SLC4A3: variants seen among roughly 807,000 people sequenced by gnomAD.
The protein encoded by SLC4A3 is solute carrier family 4 member 3, also known as anion exchange protein 3.
SLC4A3 carries 47 observed loss-of-function variants against 114.2 expected under a neutral mutation model. That is an observed-to-expected ratio of 0.41 (90% CI 0.33 to 0.52). The LOEUF (loss-of-function observed/expected upper bound fraction) is 0.52, where lower values mean the gene tolerates loss of function less well. Among genes scored for constraint, SLC4A3 ranks in the 20% least tolerant of loss-of-function variants. The pLI, the probability that SLC4A3 is intolerant of heterozygous loss-of-function variation, is 0.21. For missense variants in SLC4A3, 1,312 were observed against 1,668.3 expected, an observed-to-expected ratio of 0.79 and a Z score of 3.72; for synonymous variants, 693 against 710.3, an observed-to-expected ratio of 0.98 and a Z score of 0.39.
rs1399406980 is a variant in SLC4A3, at chr2:219,630,755, C to T, written c.811+403C>T. On this transcript the variant is annotated intron_variant, in intron 6 of 22. Coordinates refer to ENST00000358055, the MANE Select transcript of SLC4A3 (RefSeq NM_005070.4). This position sits in a 1 kb window ranked among gnomAD's most constrained non-coding sequence, Gnocchi z 6.9. Reference sequence around the variant, plus strand: ...CCCTGCCTCTCCCTGTGTCAGGACCCTTCACTCCCATCCCACTACCCTTGG... The same window carrying T: ...CCCTGCCTCTCCCTGTGTCAGGACCTTTCACTCCCATCCCACTACCCTTGG... Among the ~76,000 whole-genome samples, 1 of 152,182 alleles carries T rather than the reference C, an allele frequency of 6.6e-6. No homozygotes were observed. Among genetic ancestry groups the T allele is most frequent in the African/African-American group, 2.4e-5 (1 of 41,446 alleles).
intron 11 of SLC4A3, 152 bp downstream of exon 11, chr2:219,634,131 C>A: frequency 1.0e-6 from 1 of 999,254 alleles, no homozygotes; most frequent in Non-Finnish European, 1.4e-6. Context: ...CCTGTCTTAG[C>A]CCAGCCCTTT....
Position 219,631,588 on chromosome 2 carries a change from A to C in SLC4A3, c.812-380A>C. 1.2e-6 allele frequency: 1 copy of C among 839,646 alleles called. No homozygotes were observed. Among genetic ancestry groups the C allele is most frequent in the Non-Finnish European group, 1.6e-6 (1 of 610,442 alleles). 52.0% of individuals were successfully genotyped at this position (839,646 alleles called of 1,614,324 possible). ...GGGGAGGGGACGTGGGTGTTGAGAT[A>C]GGGTGCACGGAAAATGTTGGGGGCT... On this transcript the variant is annotated intron_variant, in intron 6 of 22. Coordinates refer to ENST00000358055, the MANE Select transcript of SLC4A3 (RefSeq NM_005070.4). This position sits in a 1 kb window ranked among gnomAD's most constrained non-coding sequence, Gnocchi z 6.3.
Position 219,641,091 on chromosome 2 carries a change from T to G in SLC4A3, c.3621+129T>G. The G allele has an allele frequency of 1.2e-6, 1 of 849,162 alleles. No individual in the cohort carries two copies. Among genetic ancestry groups the G allele is most frequent in the African/African-American group, 1.7e-5 (1 of 59,246 alleles). 52.6% of individuals were successfully genotyped at this position (849,162 alleles called of 1,614,324 possible). On this transcript the variant is annotated intron_variant, in intron 22 of 22. Coordinates refer to ENST00000358055, the MANE Select transcript of SLC4A3 (RefSeq NM_005070.4). The surrounding 1 kb of genome is among the most constrained non-coding windows in gnomAD (Gnocchi z 4.0). ...AACTTGTGTTGCAAGTTATCTCACC[T>G]TCCGAAATCTTATTTTCACCTGTAT...
At chr2:219,629,885 G>A (rs57833265) in intron 5 of SLC4A3, among the ~76,000 whole-genome samples, 190 bp downstream of exon 5, 2 of 142,514 alleles carry the variant, frequency 1.4e-5, no homozygotes, top group African/African-American at 2.6e-5. Context: ...GAGAACAAGG[G>A]GGGGGGGAGA....
chr2:219,630,306 G>A lies in SLC4A3; in HGVS notation c.765G>A (p.Glu255=). The A allele has an allele frequency of 6.2e-7, 1 of 1,612,550 alleles. No individual in the cohort carries two copies. Among genetic ancestry groups the A allele is most frequent in the Non-Finnish European group, 8.5e-7 (1 of 1,179,518 alleles). The change falls in exon 6 of 23, where the codon GAG becomes GAA. Residue 255 remains glutamate, a synonymous_variant. Coordinates refer to ENST00000358055, the MANE Select transcript of SLC4A3 (RefSeq NM_005070.4). The surrounding 1 kb of genome is among the most constrained non-coding windows in gnomAD (Gnocchi z 6.9). ...CAGAGCAGCAGGTGCCCACAGATGA[G>A]GCGGAGGCCCAGATGCTGGGTTCTG... ...GGPEQQVPTD[E]AEAQMLGSAD...
chr2:219,638,875 A>C lies in SLC4A3; in HGVS notation c.3023+6A>C, dbSNP rs1699221393. The C allele has an allele frequency of 6.2e-7, 1 of 1,612,718 alleles. No homozygotes were observed. The highest frequency in any genetic ancestry group is 2.2e-5 in the East Asian group (1 of 44,854). On this transcript the variant is annotated splice_donor_region_variant and intron_variant, in intron 19 of 22. Coordinates refer to ENST00000358055, the MANE Select transcript of SLC4A3 (RefSeq NM_005070.4). This position sits in a 1 kb window ranked among gnomAD's most constrained non-coding sequence, Gnocchi z 7.5. ...ATGGAGACACAGATCACGGCGTGAGAGAGATGGGAGGAGGAGGTGGGAGGG... is the reference window on the plus strand; with the variant it reads ...ATGGAGACACAGATCACGGCGTGAGCGAGATGGGAGGAGGAGGTGGGAGGG...
chr2:219,631,837 G>A lies in SLC4A3; in HGVS notation c.812-131G>A. ...ATGAAATGGCCACATGGGATTATGT[G>A]GTTCCCGTCGGCATGGCCTGTTGGT... is the stretch of plus-strand genomic sequence containing the variant. On this transcript the variant is annotated intron_variant, in intron 6 of 22. Coordinates refer to ENST00000358055, the MANE Select transcript of SLC4A3 (RefSeq NM_005070.4). The surrounding 1 kb of genome is among the most constrained non-coding windows in gnomAD (Gnocchi z 6.3). 1 of 989,234 alleles carries A rather than the reference G, an allele frequency of 1.0e-6. No individual in the cohort carries two copies. The highest frequency in any genetic ancestry group is 1.5e-6 in the Non-Finnish European group (1 of 662,488). 61.3% of individuals were successfully genotyped at this position (989,234 alleles called of 1,614,324 possible).
chr2:219,627,846 C>T, intron 1 of SLC4A3, 54 bp from the exon 2 acceptor site: 1 of 623,020 alleles, frequency 1.6e-6, no homozygotes, highest in Non-Finnish European at 2.7e-6. Flanking sequence ...GTGCATCCGG[C>T]TCCCGGGTGG....
intron 10 of SLC4A3, 103 bp downstream of exon 10, chr2:219,633,560 C>T: frequency 9.1e-7 from 1 of 1,100,526 alleles, no homozygotes. Flanking sequence ...GGTTGGATTG[C>T]TGGCATCATG....
chr2:219,639,945 T>C lies in SLC4A3; in HGVS notation c.3277+210T>C, dbSNP rs1699260582. 6.6e-6 allele frequency among the ~76,000 whole-genome samples: 1 copy of C among 152,178 alleles called. No homozygotes were observed. Among genetic ancestry groups the C allele is most frequent in the African/African-American group, 2.4e-5 (1 of 41,438 alleles). On this transcript the variant is annotated intron_variant, in intron 20 of 22. Transcript: ENST00000358055. This position sits in a 1 kb window ranked among gnomAD's most constrained non-coding sequence, Gnocchi z 5.9. ...CTGCCCCCTCTTCTCTCTCTTTTTTTTTGAGACGGAGTCTCGCTCTGTCAC... is the reference window on the plus strand; with the variant it reads ...CTGCCCCCTCTTCTCTCTCTTTTTTCTTGAGACGGAGTCTCGCTCTGTCAC...
chr2:219,633,263 GC>G lies in SLC4A3; in HGVS notation c.1278-7del, dbSNP rs1174864955. 2 of 1,547,364 alleles carry G rather than the reference GC, an allele frequency of 1.3e-6. No individual in the cohort carries two copies. The highest frequency in any genetic ancestry group is 2.7e-5 in the African/African-American group (2 of 73,388). ...CTCTCCTCCTCACCTGCCTCACCCT[GC>G]CCCTTCCAGCCATCCCAACGATGAC... is the stretch of plus-strand genomic sequence containing the variant. On this transcript the variant is annotated splice_polypyrimidine_tract_variant and intron_variant, in intron 9 of 22. Transcript: ENST00000358055.
rs1254169425 is a variant in SLC4A3 at position 219,630,562 on chromosome 2, CT to C, written c.811+211del. 6.6e-6 allele frequency among the ~76,000 whole-genome samples: 1 copy of C among 152,142 alleles called. No individual in the cohort carries two copies. On this transcript the variant is annotated intron_variant, in intron 6 of 22. Transcript: ENST00000358055. This position sits in a 1 kb window ranked among gnomAD's most constrained non-coding sequence, Gnocchi z 6.9. ...GAGCTGAGATTTCCTTTCCTGACAC[CT>C]CACGCCTCAGTCCTGATTCTGTCCT...
rs761225095 is a variant in SLC4A3, at chr2:219,629,222, C to T, written c.296C>T (p.Pro99Leu). ...LPPPHKLRRL[P>L]PTSARHTRRK... ...CCACCCCACAAGCTGCGGCGGCTGC[C>T]CCCCACCTCTGCCCGGCACACCAGG... Residue 99 changes from proline (P) to leucine (L), a missense_variant, in exon 4 of 23, where the codon CCC becomes CTC. By Grantham distance (98) the Pro-to-Leu change is moderately conservative. Coordinates refer to ENST00000358055, the MANE Select transcript of SLC4A3 (RefSeq NM_005070.4). 1.2e-6 allele frequency: 2 copies of T among 1,613,412 alleles called. No individual in the cohort carries two copies. Among genetic ancestry groups the T allele is most frequent in the Admixed American group, 1.7e-5 (1 of 60,002 alleles).
chr2:219,630,229 G>A lies in SLC4A3; in HGVS notation c.688G>A (p.Asp230Asn), dbSNP rs1698872645. ...SRPWSPSASY[D>N]LRERLCPGSA... is the part of the protein sequence containing the mutation. Reference sequence around the variant, plus strand: ...GCCCTGGAGCCCATCGGCCAGTTATGACCTGCGGGAGCGACTGTGCCCAGG... The same window carrying A: ...GCCCTGGAGCCCATCGGCCAGTTATAACCTGCGGGAGCGACTGTGCCCAGG... Residue 230 changes from aspartate (D) to asparagine (N), a missense_variant, in exon 6 of 23, where the codon GAC becomes AAC. Physicochemically the swap from Asp to Asn is conservative, Grantham distance 23. Transcript: ENST00000358055. This position sits in a 1 kb window ranked among gnomAD's most constrained non-coding sequence, Gnocchi z 6.9. 1.2e-6 allele frequency: 2 copies of A among 1,612,804 alleles called. No individual in the cohort carries two copies. Among genetic ancestry groups the A allele is most frequent in the South Asian group, 1.1e-5 (1 of 91,060 alleles).
In SLC4A3 at chr2:219,638,664, G is replaced by C; in HGVS notation, c.2857-39G>C. Reference sequence around the variant, plus strand: ...CTGCTTGGTGGGCTTTCTAGCATGGGGAGGCTGTGTCCCTGAACCCTGTTT... The same window carrying C: ...CTGCTTGGTGGGCTTTCTAGCATGGCGAGGCTGTGTCCCTGAACCCTGTTT... On this transcript the variant is annotated intron_variant, in intron 18 of 22. Transcript: ENST00000358055. This position sits in a 1 kb window ranked among gnomAD's most constrained non-coding sequence, Gnocchi z 7.5. 1 of 1,602,954 alleles carries C rather than the reference G, an allele frequency of 6.2e-7. No individual in the cohort carries two copies. Among genetic ancestry groups the C allele is most frequent in the Non-Finnish European group, 8.5e-7 (1 of 1,174,276 alleles).
Position 219,628,407 on chromosome 2 carries a change from C to T in SLC4A3, c.54C>T (p.Val18=). ...PPGGASPLPQ[V]RVPLEEPPLS... ...GCAGAGGCCGTCTGGGCCTGCAGGTCCGGGTGCCCTTGGAGGAGCCCCCTC... is the reference window on the plus strand; with the variant it reads ...GCAGAGGCCGTCTGGGCCTGCAGGTTCGGGTGCCCTTGGAGGAGCCCCCTC... The change falls in exon 3 of 23, where the codon GTC becomes GTT. Residue 18 remains valine (V), a splice_region_variant and synonymous_variant. Transcript: ENST00000358055. The surrounding 1 kb of genome is among the most constrained non-coding windows in gnomAD (Gnocchi z 4.8). 6.2e-7 allele frequency: 1 copy of T among 1,609,812 alleles called. No homozygotes were observed. The highest frequency in any genetic ancestry group is 1.1e-5 in the South Asian group (1 of 90,436).
chr2:219,640,868 C>T lies in SLC4A3; in HGVS notation c.3527C>T (p.Ala1176Val), dbSNP rs764375703. Residue 1176 changes from alanine to valine, a missense_variant, in exon 22 of 23, where the codon GCG (alanine) becomes GTG (valine). Ala to Val is a moderately conservative substitution (Grantham distance 64, BLOSUM62 0). Coordinates refer to ENST00000358055, the MANE Select transcript of SLC4A3 (RefSeq NM_005070.4). The part of the protein sequence containing the change: ...IALLWVVKST[A>V]ASLAFPFLLL... ...CTGCTCTGGGTGGTCAAGTCCACGG[C>T]GGCCTCACTCGCCTTTCCCTTCCTG... is the stretch of plus-strand genomic sequence containing the variant. 85 of 1,612,160 alleles carry T rather than the reference C, an allele frequency of 5.3e-5. 1 individual carries two copies. The highest frequency in any genetic ancestry group is 1.7e-4 in the Middle Eastern group (1 of 5,950).
Position 219,631,596 on chromosome 2 carries a change from C to T in SLC4A3, c.812-372C>T, listed in dbSNP as rs1006151096. ...GACGTGGGTGTTGAGATAGGGTGCACGGAAAATGTTGGGGGCTCAGTGCCT... is the reference window on the plus strand; with the variant it reads ...GACGTGGGTGTTGAGATAGGGTGCATGGAAAATGTTGGGGGCTCAGTGCCT... On this transcript the variant is annotated intron_variant, in intron 6 of 22. Transcript: ENST00000358055. This position sits in a 1 kb window ranked among gnomAD's most constrained non-coding sequence, Gnocchi z 6.3. 9.1e-5 allele frequency: 74 copies of T among 812,674 alleles called. No homozygotes were observed. Among genetic ancestry groups the T allele is most frequent in the African/African-American group, 3.7e-4 (21 of 56,132 alleles). The allele number at this position is 812,674 out of a possible 1,614,324, so 50.3% of individuals were successfully genotyped here. A position where few individuals can be genotyped will look rare whatever the true frequency, so the allele number is the denominator to read the frequency against.
intron 4 of SLC4A3, 32 bp downstream of exon 4, chr2:219,629,453 CA>C: frequency 6.3e-7 from 1 of 1,599,478 alleles, no homozygotes. Flanking sequence ...GGTGGCAGGT[CA>C]GGGGTCAGGG....
Sources: allele counts gnomAD v4.1 joint callset (sites outside exome capture counted in the v4.1 genomes callset), GRCh38; gene constraint gnomAD v4.1.1; non-coding constraint Gnocchi (gnomAD v3.1); transcripts MANE v1.5; gene names NCBI Gene and HGNC (gene_info 2026-07-23, HGNC 2026-07-21).